The following CYP3A4 variants were observed in gnomAD, a reference collection of about 807,000 sequenced individuals.
CYP3A4 encodes the protein cytochrome P450 family 3 subfamily A member 4.
Under a neutral mutation model 54.9 loss-of-function variants are expected in CYP3A4, and 41 were observed. The ratio of observed to expected loss-of-function variants is 0.75; its 90% CI spans 0.58 to 0.97. CYP3A4 has a LOEUF of 0.97. Among genes scored for constraint, CYP3A4 ranks in the 50% least tolerant of loss-of-function variants. CYP3A4 has a pLI of 0.00. For synonymous variants in CYP3A4, 179 were observed against 205.2 expected (o/e 0.87, Z 1.09); for missense variants, 510 against 597.3 (o/e 0.85, Z 1.52).
intron 3 of CYP3A4, 43 bp downstream of exon 3, chr7:99,777,985 C>G: frequency 1.3e-6 from 2 of 1,530,548 alleles, no homozygotes; most frequent in Non-Finnish European, 1.8e-6. Context: ...GTAAACTCAT[C>G]ATAGAAACAA....
At chr7:99,766,146 C>A (rs1414625705) in intron 9 of CYP3A4, among the ~76,000 whole-genome samples, 2 of 152,146 alleles carry the variant, frequency 1.3e-5, no homozygotes, top group East Asian at 3.9e-4. Context: ...CGCAGACTGA[C>A]TTTCTAGCAT....
At chr7:99,783,291 G>T (rs780967281) in intron 1 of CYP3A4, among the ~76,000 whole-genome samples, 16 of 152,038 alleles carry the variant, frequency 1.1e-4, no homozygotes, top group Non-Finnish European at 1.8e-4. Context: ...GATCCCACCA[G>T]TGAGAGGATT....
chr7:99,782,846 T>C (rs893854486), intron 1 of CYP3A4, among the ~76,000 whole-genome samples: 3 of 152,192 alleles, frequency 2.0e-5, no homozygotes, highest in Admixed American at 6.5e-5. Context: ...TTAAAAGATA[T>C]ATGCAATCTT....
intron 1 of CYP3A4, 34 bp from the exon 2 acceptor site, chr7:99,780,119 T>A: frequency 6.3e-7 from 1 of 1,588,236 alleles, no homozygotes. Context: ...GTCACAGCGA[T>A]TGTGACTTTA....
intron 8 of CYP3A4, 24 bp downstream of exon 8, chr7:99,767,107 C>G: frequency 6.2e-7 from 1 of 1,603,420 alleles, no homozygotes; most frequent in Non-Finnish European, 8.5e-7. Context: ...TAAACATCCT[C>G]CTATAACTAC....
intron 6 of CYP3A4, 89 bp from the exon 7 acceptor site, chr7:99,768,591 C>A: frequency 6.2e-7 from 1 of 1,608,142 alleles, no homozygotes; most frequent in South Asian, 1.1e-5. Flanking sequence ...CATGTCCAGT[C>A]AAGACAGACA....
intron 3 of CYP3A4, 132 bp downstream of exon 3, chr7:99,777,896 C>T (rs1815812824): frequency 2.7e-6 from 2 of 746,346 alleles, no homozygotes; most frequent in Non-Finnish European, 2.4e-6. Flanking sequence ...TTTCAGAGAA[C>T]TTCTCTCTGT....
At position 99,767,271 on chromosome 7, in the gene CYP3A4, C is replaced by T. The variant is rs1815499693; in HGVS notation, c.671-13G>A. ...AATGGAAAGACTGCTGTAGGAAAAA[C>T]AAAACAAAAACAGAAAAAGAAATTC... On this transcript the variant is annotated splice_polypyrimidine_tract_variant and intron_variant, in intron 7 of 12. Transcript: ENST00000651514. 6.4e-7 allele frequency: 1 copy of T among 1,559,352 alleles called. No individual in the cohort carries two copies.
At position 99,767,199 on chromosome 7, in the gene CYP3A4, C is replaced by A; in HGVS notation, c.730G>T (p.Glu244Ter). Residue 244 changes from glutamate (E) to a stop codon, truncating the protein, a stop_gained, in exon 8 of 13, where the codon GAA becomes TAA. Coordinates refer to ENST00000651514, the MANE Select transcript of CYP3A4 (RefSeq NM_017460.6). LOFTEE classifies it high-confidence loss of function. ...GATTTTCTTAAAAAATTTGTAACTTCTCTTGGAAACACACAGATATTTAAT... is the reference window on the plus strand; with the variant it reads ...GATTTTCTTAAAAAATTTGTAACTTATCTTGGAAACACACAGATATTTAAT... Reference protein sequence around the residue: ...EVLNICVFPREVTNFLRKSVK... With the variant: ...EVLNICVFPR The A allele has an allele frequency of 6.2e-7, 1 of 1,611,106 alleles. No individual in the cohort carries two copies. Among genetic ancestry groups the A allele is most frequent in the African/African-American group, 1.3e-5 (1 of 74,904 alleles).
intron 1 of CYP3A4, among the ~76,000 whole-genome samples, chr7:99,782,553 C>T (rs1310733404): frequency 6.6e-6 from 1 of 152,092 alleles, no homozygotes; most frequent in Non-Finnish European, 1.5e-5. Context: ...CAGAGTGACA[C>T]AGATGGTGCC....
At chr7:99,768,539 C>T (rs1016117898) in intron 6 of CYP3A4, 37 bp from the exon 7 acceptor site, 4 of 1,612,514 alleles carry the variant, frequency 2.5e-6, no homozygotes, top group Non-Finnish European at 3.4e-6. Flanking sequence ...AAAATCAGCA[C>T]CTTTTTACCA....
intron 1 of CYP3A4, among the ~76,000 whole-genome samples, chr7:99,783,192 T>C (rs1815970546): frequency 6.6e-6 from 1 of 152,170 alleles, no homozygotes. Flanking sequence ...AAGAGTGAAA[T>C]TGAGGTAGAA....
At chr7:99,767,066 T>C in intron 8 of CYP3A4, 65 bp downstream of exon 8, 2 of 1,466,406 alleles carry the variant, frequency 1.4e-6, no homozygotes, top group Non-Finnish European at 9.4e-7. Flanking sequence ...GCACTGATCA[T>C]ATGTATATTA....
At chr7:99,778,196 A>G in intron 2 of CYP3A4, 116 bp from the exon 3 acceptor site, 1 of 774,246 alleles carries the variant, frequency 1.3e-6, no homozygotes, top group Admixed American at 2.7e-5. Flanking sequence ...CAGTTAGAGG[A>G]AGCTTATTTG....
Position 99,769,749 on chromosome 7 carries a change from T to C in CYP3A4, c.521+19A>G, listed in dbSNP as rs748873073. The C allele has an allele frequency of 1.9e-6, 3 of 1,613,480 alleles. No homozygotes were observed. The East Asian group carries it at 6.7e-5, about 36-fold the overall frequency. ...GGGTTCATGACAGCTCAGAACCCCA[T>C]GGCTGCGCTTCTACTTACTCTTTCA... is the stretch of plus-strand genomic sequence containing the variant. On this transcript the variant is annotated intron_variant, in intron 6 of 12. Transcript: ENST00000651514.
chr7:99,759,012 CAAG>C (rs1423301293), intron 12 of CYP3A4, among the ~76,000 whole-genome samples: 2 of 152,154 alleles, frequency 1.3e-5, no homozygotes, highest in Non-Finnish European at 2.9e-5. Context: ...CCAGGGAGAT[CAAG>C]AAGTGCCAGG....
rs28988591 is a variant in CYP3A4 at position 99,763,098 on chromosome 7, G to T, written c.1026+757C>A. 6.3e-3 allele frequency among the ~76,000 whole-genome samples: 967 copies of T among 152,288 alleles called. 12 individuals are homozygous for T. Among genetic ancestry groups the T allele is most frequent in the African/African-American group, 0.022 (928 of 41,552 alleles). On this transcript the variant is annotated intron_variant, in intron 10 of 12. Transcript: ENST00000651514. ...TTCTTCACCAGTTACTGCCTGACTG[G>T]AACATGAGATAGGTGTGGGGAGAGC... is the stretch of plus-strand genomic sequence containing the variant.
At chr7:99,767,510 G>A (rs997728237) in intron 7 of CYP3A4, among the ~76,000 whole-genome samples, 12 of 152,124 alleles carry the variant, frequency 7.9e-5, no homozygotes, top group African/African-American at 2.9e-4. Context: ...AAGGATAAAA[G>A]GAACAAAATT....
At chr7:99,769,542 A>G in intron 6 of CYP3A4, 1 of 550,478 alleles carries the variant, frequency 1.8e-6, no homozygotes, top group Non-Finnish European at 3.3e-6. Flanking sequence ...TTTAATGGAT[A>G]TGTAAACCCT....
Sources: gnomAD v4.1 joint callset for allele counts (sites outside exome capture counted in the v4.1 genomes callset) on GRCh38, gnomAD v4.1.1 for gene constraint, MANE v1.5 for transcripts, NCBI Gene and HGNC (gene_info 2026-07-23, HGNC 2026-07-21) for gene names.